HOXA3: variants seen among roughly 807,000 people sequenced by gnomAD.
HOXA3 encodes the protein homeobox protein Hox-A3.
HOXA3 carries 8 observed loss-of-function variants against 30.3 expected under a neutral mutation model. The ratio of observed to expected loss-of-function variants is 0.26; its 90% confidence interval spans 0.15 to 0.48. HOXA3 has a LOEUF of 0.48. HOXA3 is among the 20% of genes least tolerant of loss of function. HOXA3 has a pLI of 0.99. For missense variants in HOXA3, 653 were observed against 614.4 expected (o/e 1.06, Z -0.66); for synonymous variants, 323 against 273.1 (o/e 1.18, Z -1.80).
At chr7:27,122,476 G>A (rs2128050081) in intron 4 of HOXA3, 83 bp downstream of exon 4, 1 of 152,376 alleles carries the variant, frequency 6.6e-6, no homozygotes, top group South Asian at 2.1e-4. Context: ...GGCCGCGGTT[G>A]CCAGGAACCG....
chr7:27,145,803 A>G, intron 1 of HOXA3: 1 of 1,614,188 alleles, frequency 6.2e-7, no homozygotes, highest in Non-Finnish European at 8.5e-7. Context: ...GGCGATCTCG[A>G]TGCGGCGGCG....
chr7:27,151,598 C>T (rs1383846159), intron 1 of HOXA3: 1 of 456,760 alleles, frequency 2.2e-6, no homozygotes, highest in Non-Finnish European at 4.4e-6. Context: ...CACCTATTCC[C>T]CCTCCCAGCG....
At chr7:27,149,109 G>T (rs777359695) in intron 1 of HOXA3, among the ~76,000 whole-genome samples, 1 of 152,264 alleles carries the variant, frequency 6.6e-6, no homozygotes, top group South Asian at 2.1e-4. Context: ...GACATTAAAA[G>T]CCTGTCCTGA....
At position 27,108,020 on chromosome 7, in the gene HOXA3, G is replaced by T. The variant is rs375670849; in HGVS notation, c.1227C>A (p.His409Gln). 5 of 1,612,862 alleles carry T rather than the reference G, an allele frequency of 3.1e-6. No individual in the cohort carries two copies. Among genetic ancestry groups the T allele is most frequent in the Middle Eastern group, 1.7e-4 (1 of 6,054 alleles). ...GGAGPLGSGH[H>Q]HGPGPGEPHP... ...GCGGCTCCCCAGGCCCCGGCCCGTG[G>T]TGGTGGCCGCTGCCCAGCGGCCCGG... Residue 409 changes from histidine to glutamine, a missense_variant, in exon 6 of 6, where the codon CAC (histidine) becomes CAA (glutamine). Physicochemically the swap from His to Gln is conservative, Grantham distance 24. Transcript: ENST00000612286. The surrounding 1 kb of genome is among the most constrained non-coding windows in gnomAD (Gnocchi z 5.0).
chr7:27,120,320 A>G (rs760466232), intron 4 of HOXA3, among the ~76,000 whole-genome samples: 1 of 152,092 alleles, frequency 6.6e-6, no homozygotes, highest in Non-Finnish European at 1.5e-5. Context: ...AGGTGGGTGG[A>G]TCATGAGGTC....
intron 4 of HOXA3, among the ~76,000 whole-genome samples, chr7:27,114,837 A>ATATATTATATATATTATATAATATAT (rs1554336685): frequency 2.8e-5 from 2 of 72,316 alleles, no homozygotes; most frequent in African/African-American, 8.1e-5. Context: ...AATATATATT[A>ATATATTATATATATTATATAATATAT]TATATATAAT....
At position 27,142,749 on chromosome 7, in the gene HOXA3, C is replaced by G. The variant is rs780001752; in HGVS notation, c.-493-2563G>C. 9.2e-4 allele frequency: 367 copies of G among 398,398 alleles called. 4 individuals carry two copies. The highest frequency in any genetic ancestry group is 7.1e-4 in the Admixed American group (16 of 22,532). The allele number at this position is 398,398 out of a possible 1,614,324, so 24.7% of individuals were successfully genotyped here. A position where few individuals can be genotyped will look rare whatever the true frequency, so the allele number is the denominator to read the frequency against. On this transcript the variant is annotated intron_variant, in intron 1 of 5. Coordinates refer to ENST00000612286, the MANE Select transcript of HOXA3 (RefSeq NM_153631.3). ...ACCTCTCTGCGCCTTGCTCGGCTGG[C>G]CTGACCCGGGAGCGCGTCCCAAGGC...
At chr7:27,125,855 A>C (rs968449178) in intron 3 of HOXA3, among the ~76,000 whole-genome samples, 6 of 152,142 alleles carry the variant, frequency 3.9e-5, no homozygotes, top group Non-Finnish European at 7.4e-5. Context: ...CAGTGAGGAG[A>C]GCAGAGTTTG....
At chr7:27,147,561 C>A (rs781073592) in intron 1 of HOXA3, 1 of 1,614,238 alleles carries the variant, frequency 6.2e-7, no homozygotes, top group Non-Finnish European at 8.5e-7. Context: ...AGGCCAGGAC[C>A]GAGTTGGACT....
intron 2 of HOXA3, among the ~76,000 whole-genome samples, chr7:27,139,725 C>T (rs1377794667): frequency 1.3e-5 from 2 of 152,170 alleles, no homozygotes; most frequent in African/African-American, 4.8e-5. Flanking sequence ...GCCGGCCCAG[C>T]AATTGCGCGG....
intron 1 of HOXA3, chr7:27,147,038 C>T (rs1444533040): frequency 3.8e-6 from 2 of 529,040 alleles, no homozygotes; most frequent in Non-Finnish European, 3.3e-6. Flanking sequence ...CAGGCTGTCC[C>T]TGTCACAGGT....
In HOXA3 at chr7:27,152,437, C is replaced by T; in HGVS notation, c.-643G>A. The T allele has an allele frequency of 2.6e-6, 3 of 1,152,352 alleles. No homozygotes were observed. The highest frequency in any genetic ancestry group is 4.2e-5 in the Admixed American group (1 of 23,698). The allele number at this position is 1,152,352 out of a possible 1,614,324, so 71.4% of individuals were successfully genotyped here. On this transcript the variant is annotated 5_prime_UTR_variant, in exon 1 of 6. Coordinates refer to ENST00000612286, the MANE Select transcript of HOXA3 (RefSeq NM_153631.3). ...AAAGCTGCTGCCGCGGCGCCGGGAA[C>T]GGAGCGCGCCCAATCTCCAGCGGGA...
chr7:27,110,515 G>A lies in HOXA3; in HGVS notation c.126C>T (p.Asp42=), dbSNP rs758695156. 1.2e-6 allele frequency: 2 copies of A among 1,605,998 alleles called. No homozygotes were observed. The highest frequency in any genetic ancestry group is 1.7e-5 in the Admixed American group (1 of 59,744). The change falls in exon 5 of 6, where the codon GAC becomes GAT. Residue 42 remains aspartate (D), a synonymous_variant. Transcript: ENST00000612286. The part of the protein sequence containing the change: ...PYPASAALGA[D]GEYHRPACSL... ...AGCAGGCGGGTCGGTGGTACTCGCC[G>A]TCGGCGCCCAAAGCGGCGGACGCCG...
intron 2 of HOXA3, among the ~76,000 whole-genome samples, chr7:27,137,427 C>A (rs2128057578): frequency 6.6e-6 from 1 of 152,314 alleles, no homozygotes; most frequent in African/African-American, 2.4e-5. Context: ...TGAGGAGGAG[C>A]ACAGACACGC....
chr7:27,107,883 G>A lies in HOXA3; in HGVS notation c.*32C>T. 4.7e-6 allele frequency: 6 copies of A among 1,279,332 alleles called. No homozygotes were observed. Among genetic ancestry groups the A allele is most frequent in the Non-Finnish European group, 6.3e-6 (6 of 958,684 alleles). The allele number at this position is 1,279,332 out of a possible 1,614,324, so 79.2% of individuals were successfully genotyped here. On this transcript the variant is annotated 3_prime_UTR_variant, in exon 6 of 6. Transcript: ENST00000612286. ...CAAAGAAAAAAGGTGGGTGGGGGGA[G>A]ACTCTCCTGGCGCGTAGCCCCAAGC...
chr7:27,136,419 ACCTT>A (rs1785716383), intron 2 of HOXA3, among the ~76,000 whole-genome samples: 1 of 152,226 alleles, frequency 6.6e-6, no homozygotes, highest in Non-Finnish European at 1.5e-5. Context: ...GAATGGGAGA[ACCTT>A]GCAAAAAGTG....
At chr7:27,129,424 GACAA>G (rs1331439991) in intron 2 of HOXA3, 2 of 1,614,074 alleles carry the variant, frequency 1.2e-6, no homozygotes, top group South Asian at 1.1e-5. Context: ...CTGGCGCTCA[GACAA>G]ACAGAGCGTG....
intron 2 of HOXA3, chr7:27,129,673 A>C: frequency 8.0e-7 from 1 of 1,243,418 alleles, no homozygotes; most frequent in Non-Finnish European, 1.1e-6. Flanking sequence ...GCAATTGGAC[A>C]TCATCATTAT....
intron 3 of HOXA3, among the ~76,000 whole-genome samples, chr7:27,126,484 C>CGGTG (rs1785290093): frequency 6.6e-6 from 1 of 151,786 alleles, no homozygotes; most frequent in African/African-American, 2.4e-5. Flanking sequence ...TTTGTCCTCT[C>CGGTG]GGTGAACTCT....
Sources: allele counts gnomAD v4.1 joint callset (sites outside exome capture counted in the v4.1 genomes callset), GRCh38; gene constraint gnomAD v4.1.1; non-coding constraint Gnocchi (gnomAD v3.1); transcripts MANE v1.5; gene names NCBI Gene and HGNC (gene_info 2026-07-23, HGNC 2026-07-21).